TENM3: variants seen among roughly 807,000 people sequenced by gnomAD.
TENM3 encodes the protein teneurin-3.
TENM3 carries 63 observed loss-of-function variants against 255.1 expected under a neutral mutation model. The ratio of observed to expected loss-of-function variants is 0.25; its 90% CI spans 0.20 to 0.30. The LOEUF is 0.30. TENM3 is among the 10% of genes least tolerant of loss of function. The pLI, the probability that TENM3 is intolerant of heterozygous loss-of-function variation, is 1.00. For missense variants in TENM3, 2,929 were observed against 3,461.1 expected, an observed-to-expected ratio of 0.85 and a Z score of 3.86; for synonymous variants, 1,306 against 1,322.3, an observed-to-expected ratio of 0.99 and a Z score of 0.27.
chr4:182,462,032 C>T (rs1342708646), intron 3 of TENM3, among the ~76,000 whole-genome samples: 1 of 151,722 alleles, frequency 6.6e-6, no homozygotes, highest in Non-Finnish European at 1.5e-5. Context: ...TGCAAACTGC[C>T]TCATATCTTA....
intron 13 of TENM3, among the ~76,000 whole-genome samples, chr4:182,726,702 G>A (rs907953346): frequency 3.9e-5 from 6 of 152,200 alleles, no homozygotes; most frequent in African/African-American, 1.4e-4. Flanking sequence ...AGGGTCTGGG[G>A]AAGCACAGCG....
chr4:181,468,641 A>G, the TENM3 span, among the ~76,000 whole-genome samples: 6 of 152,168 alleles, frequency 3.9e-5, no homozygotes, highest in African/African-American at 9.7e-5. Flanking sequence ...TTTTTCTCCA[A>G]CTAGCATGCC....
chr4:182,148,622 C>T (rs147406040), intron 1 of TENM3, among the ~76,000 whole-genome samples: 357 of 151,978 alleles, frequency 2.3e-3, no homozygotes, highest in African/African-American at 8.2e-3. Context: ...TCAGAGATTT[C>T]TTAGAATTTT....
At chr4:182,153,017 A>G (rs1301997949) in intron 1 of TENM3, among the ~76,000 whole-genome samples, 3 of 151,800 alleles carry the variant, frequency 2.0e-5, no homozygotes, top group Non-Finnish European at 1.5e-5. Context: ...AGAAACCTTA[A>G]TAATTTAAAT....
At chr4:181,970,686 T>A in the TENM3 span, among the ~76,000 whole-genome samples, 1 of 152,122 alleles carries the variant, frequency 6.6e-6, no homozygotes, top group Non-Finnish European at 1.5e-5. Flanking sequence ...CTCTCCTTCA[T>A]CTCCTCCCCA....
the TENM3 span, among the ~76,000 whole-genome samples, chr4:181,473,499 G>A: frequency 0.02 from 3,040 of 152,054 alleles, 91 homozygotes; most frequent in African/African-American, 0.065. Flanking sequence ...GGCTGAGGTC[G>A]GAGACTCAGT....
the TENM3 span, among the ~76,000 whole-genome samples, chr4:181,779,689 C>G: frequency 6.6e-6 from 1 of 151,958 alleles, no homozygotes; most frequent in East Asian, 1.9e-4. Flanking sequence ...ACACAATGTG[C>G]AGGTTTGTTA....
At chr4:181,471,792 C>A in the TENM3 span, among the ~76,000 whole-genome samples, 6 of 152,124 alleles carry the variant, frequency 3.9e-5, no homozygotes, top group Non-Finnish European at 8.8e-5. Flanking sequence ...AAGAGCATAA[C>A]AAATGTATTT....
chr4:182,117,829 A>C, the TENM3 span, among the ~76,000 whole-genome samples: 1 of 152,152 alleles, frequency 6.6e-6, no homozygotes, highest in South Asian at 2.1e-4. Context: ...GCACAAAAAA[A>C]CTTACTAAGA....
chr4:181,746,248 T>C, the TENM3 span, among the ~76,000 whole-genome samples: 12 of 152,008 alleles, frequency 7.9e-5, no homozygotes, highest in Admixed American at 5.3e-4. Flanking sequence ...ACTGCAACCA[T>C]GTTAGTGAGT....
chr4:182,049,074 G>A, the TENM3 span, among the ~76,000 whole-genome samples: 2 of 152,022 alleles, frequency 1.3e-5, no homozygotes, highest in African/African-American at 4.8e-5. Context: ...GGCAGCAGCT[G>A]GTACTTCTCA....
At chr4:181,596,259 C>A in the TENM3 span, among the ~76,000 whole-genome samples, 1 of 152,160 alleles carries the variant, frequency 6.6e-6, no homozygotes, top group Non-Finnish European at 1.5e-5. Context: ...CCTAACATGG[C>A]AAAATTATTC....
At chr4:182,599,707 A>G (rs959479450) in intron 3 of TENM3, among the ~76,000 whole-genome samples, 6 of 152,210 alleles carry the variant, frequency 3.9e-5, no homozygotes, top group East Asian at 1.9e-4. Flanking sequence ...TGGCTTAACA[A>G]TCACTGCTGG....
At chr4:182,194,701 C>CACA (rs1753730629) in intron 1 of TENM3, among the ~76,000 whole-genome samples, 1 of 152,114 alleles carries the variant, frequency 6.6e-6, no homozygotes, top group Non-Finnish European at 1.5e-5. Flanking sequence ...GAAAATGTAA[C>CACA]CCTGTGATGG....
intron 1 of TENM3, among the ~76,000 whole-genome samples, chr4:182,290,527 C>CAG (rs1306199871): frequency 6.6e-6 from 1 of 151,564 alleles, no homozygotes; most frequent in East Asian, 2.0e-4. Flanking sequence ...TAATTTGAGA[C>CAG]AGTCTTGCTT....
chr4:182,751,939 G>T lies in TENM3; in HGVS notation c.3769G>T (p.Val1257Phe). 6.2e-7 allele frequency: 1 copy of T among 1,613,854 alleles called. No individual in the cohort carries two copies. Among genetic ancestry groups the T allele is most frequent in the Non-Finnish European group, 8.5e-7 (1 of 1,179,874 alleles). ...AGACTTGACTAAAAATGCAGAAGTC[G>T]TCGCAGGGACAGGGGAGCAATGCCT... ...AKDLTKNAEV[V>F]AGTGEQCLPF... is the part of the protein sequence containing the mutation. Residue 1257 changes from valine (V) to phenylalanine (F), a missense_variant, in exon 20 of 28, where the codon GTC (valine) becomes TTC (phenylalanine). Val to Phe is a conservative substitution (Grantham distance 50, BLOSUM62 -1). Coordinates refer to ENST00000511685, the MANE Select transcript of TENM3 (RefSeq NM_001080477.4).
At position 182,628,664 on chromosome 4, in the gene TENM3, A is replaced by C; in HGVS notation, c.763A>C (p.Lys255Gln). Residue 255 changes from lysine to glutamine, a missense_variant, in exon 5 of 28, where the codon AAA becomes CAA. Transcript: ENST00000511685. ...VPLESRHFLF[K>Q]TGTGTTPLFS... ...CCTTTTCCACAGGCATTTCCTATTC[A>C]AAACAGGAACAGGTACAACGCCACT... The C allele has an allele frequency of 6.3e-7, 1 of 1,587,238 alleles. No homozygotes were observed.
intron 5 of TENM3, among the ~76,000 whole-genome samples, chr4:182,638,225 G>T (rs1168205375): frequency 6.6e-6 from 1 of 151,956 alleles, no homozygotes; most frequent in East Asian, 1.9e-4. Flanking sequence ...CATGCTTTAA[G>T]AATTTTATTT....
At chr4:182,074,864 C>T in the TENM3 span, among the ~76,000 whole-genome samples, 1 of 152,164 alleles carries the variant, frequency 6.6e-6, no homozygotes, top group Non-Finnish European at 1.5e-5. Context: ...CTTCAGAAAA[C>T]TTCAAAAAGA....
Sources: gnomAD v4.1 joint callset for allele counts (sites outside exome capture counted in the v4.1 genomes callset) on GRCh38, gnomAD v4.1.1 for gene constraint, MANE v1.5 for transcripts, NCBI Gene and HGNC (gene_info 2026-07-23, HGNC 2026-07-21) for gene names.